The following CTNND1 variants were observed in gnomAD, a reference collection of about 807,000 sequenced individuals.
CTNND1 encodes catenin delta 1, also known as catenin delta-1.
CTNND1 carries 16 observed loss-of-function variants against 112.1 expected under a neutral mutation model. That is an observed-to-expected ratio of 0.14 (90% CI 0.10 to 0.22). The LOEUF is 0.22. Ranked by LOEUF, CTNND1 falls within the 10% of genes least tolerant of loss-of-function variation. The pLI is 1.00. For synonymous variants in CTNND1, 420 were observed against 446.5 expected, an observed-to-expected ratio of 0.94 and a Z score of 0.75; for missense variants, 1,008 against 1,257.0, an observed-to-expected ratio of 0.80 and a Z score of 3.00.
In CTNND1 at chr11:57,780,236, G is replaced by A. The variant is rs559740938; in HGVS notation, c.-213-8801G>A. Among the ~76,000 whole-genome samples the A allele has an allele frequency of 3.3e-5, 5 of 151,922 alleles. No individual in the cohort carries two copies. The East Asian group carries it at 9.7e-4, about 29-fold the overall frequency. The stretch of plus-strand genomic sequence containing the variant: ...CCCCAGCTAATTTTTTGTATTTTTT[G>A]TAGAGATGGTGTCTTGCCATTTTGC... On this transcript the variant is annotated intron_variant, in intron 1 of 20. Coordinates refer to ENST00000399050, the MANE Select transcript of CTNND1 (RefSeq NM_001085458.2).
chr11:57,815,938 G>A lies in CTNND1; in HGVS notation c.2832G>A (p.Leu944=). 4 of 1,607,120 alleles carry A rather than the reference G, an allele frequency of 2.5e-6. No individual in the cohort carries two copies. The highest frequency in any genetic ancestry group is 3.4e-6 in the Non-Finnish European group (4 of 1,178,352). The change falls in exon 20 of 21, where the codon CTG becomes CTA. Residue 944 remains leucine, a synonymous_variant. Coordinates refer to ENST00000399050, the MANE Select transcript of CTNND1 (RefSeq NM_001085458.2). The part of the protein sequence containing the change: ...PLMQDEGQES[L]EEELDVLVLD... ...AGCAGGACGAGGGGCAGGAATCTCT[G>A]GAGGAAGAGTTGGATGTGTTGGTTT...
intron 1 of CTNND1, among the ~76,000 whole-genome samples, chr11:57,784,594 C>G (rs2059942375): frequency 6.6e-6 from 1 of 152,074 alleles, no homozygotes; most frequent in South Asian, 2.1e-4. Flanking sequence ...ACTTTTGTCT[C>G]TTGAGTTCAA....
chr11:57,806,972 G>A lies in CTNND1; in HGVS notation c.1952G>A (p.Ser651Asn), dbSNP rs764759932. The change falls in exon 12 of 21, where the codon AGT (serine) becomes AAT (asparagine). Residue 651 changes from serine to asparagine, a missense_variant. Ser to Asn is a conservative substitution (Grantham distance 46). This residue lies in a region of CTNND1 where 254 missense variants were observed against 279.5 expected (regional missense o/e 0.91). Coordinates refer to ENST00000399050, the MANE Select transcript of CTNND1 (RefSeq NM_001085458.2). ...ACAGTGGATTTCCCTAAAAGAACGA[G>A]TCCAGCTCGAGGTAAGTTATCTTCT... ...NDTVDFPKRT[S>N]PARGYELLFQ... The A allele has an allele frequency of 1.2e-5, 19 of 1,598,322 alleles. 1 individual carries two copies. In the South Asian group the frequency reaches 2.0e-4, roughly 17 times the overall value.
At chr11:57,813,154 G>C (rs2063568861) in intron 17 of CTNND1, among the ~76,000 whole-genome samples, 1 of 151,892 alleles carries the variant, frequency 6.6e-6, no homozygotes, top group Admixed American at 6.6e-5. Context: ...AACATAATGA[G>C]ACCATGTCTG....
chr11:57,819,456 T>C lies in CTNND1; in HGVS notation c.*3148T>C, dbSNP rs1385576090. 1 of 152,240 alleles carries C rather than the reference T, an allele frequency of 6.6e-6. No individual in the cohort carries two copies. The highest frequency in any genetic ancestry group is 2.4e-5 in the African/African-American group (1 of 41,454). 9.4% of individuals were successfully genotyped at this position (152,240 alleles called of 1,614,324 possible). ...CCTGTTATGTTCTTATCCTTTGGCA[T>C]TGAGCTAGATACAAACCCTACTCTT... On this transcript the variant is annotated 3_prime_UTR_variant, in exon 21 of 21. Transcript: ENST00000399050.
intron 1 of CTNND1, among the ~76,000 whole-genome samples, chr11:57,772,414 C>T (rs1193895214): frequency 6.6e-6 from 1 of 152,198 alleles, no homozygotes; most frequent in Non-Finnish European, 1.5e-5. Flanking sequence ...TGCTGCTTCT[C>T]CTTTTGCTCA....
At chr11:57,790,109 TCTCA>T (rs1388814756) in intron 2 of CTNND1, among the ~76,000 whole-genome samples, 1 of 152,072 alleles carries the variant, frequency 6.6e-6, no homozygotes, top group African/African-American at 2.4e-5. Flanking sequence ...GGAGGCAGAG[TCTCA>T]CTCTGTTGTC....
chr11:57,803,688 C>T lies in CTNND1; in HGVS notation c.1488C>T (p.Ala496=). Residue 496 remains alanine (A), a synonymous_variant, in exon 8 of 21, where the codon GCC becomes GCT. Coordinates refer to ENST00000399050, the MANE Select transcript of CTNND1 (RefSeq NM_001085458.2). Reference sequence around the variant, plus strand: ...AGATTGTGGACCATGCACTGCATGCCTTGACAGATGAAGTGATCATTCCTC... The same window carrying T: ...AGATTGTGGACCATGCACTGCATGCTTTGACAGATGAAGTGATCATTCCTC... The part of the protein sequence containing the change: ...KMEIVDHALH[A]LTDEVIIPHS... 2 of 1,613,598 alleles carry T rather than the reference C, an allele frequency of 1.2e-6. No individual in the cohort carries two copies. Among genetic ancestry groups the T allele is most frequent in the South Asian group, 1.1e-5 (1 of 91,026 alleles).
At chr11:57,790,552 GTTTTTT>G (rs150149378) in intron 2 of CTNND1, among the ~76,000 whole-genome samples, 4 of 60,664 alleles carry the variant, frequency 6.6e-5, no homozygotes, top group African/African-American at 2.9e-4. Flanking sequence ...CTGTGTGTGT[GTTTTTT>G]TTTTTTTTTT....
At chr11:57,789,726 T>C (rs2060490919) in intron 2 of CTNND1, among the ~76,000 whole-genome samples, 1 of 152,170 alleles carries the variant, frequency 6.6e-6, no homozygotes, top group Non-Finnish European at 1.5e-5. Flanking sequence ...AAATTTGTGT[T>C]GGGCCGCATT....
chr11:57,813,125 G>A (rs2063565366), intron 17 of CTNND1, among the ~76,000 whole-genome samples: 1 of 152,104 alleles, frequency 6.6e-6, no homozygotes, highest in Non-Finnish European at 1.5e-5. Flanking sequence ...GAGCCCAGGA[G>A]TTTGAGACCA....
In CTNND1 at chr11:57,791,370, A is replaced by T. The variant is rs1317960199; in HGVS notation, c.-94-15A>T. On this transcript the variant is annotated splice_polypyrimidine_tract_variant and intron_variant, in intron 2 of 20. Transcript: ENST00000399050. The stretch of plus-strand genomic sequence containing the variant: ...TGTGACCTTTTCTCTCCTTTCTCTT[A>T]CCCTTTCCCGGTAGTGTGAAGTGAG... The T allele has an allele frequency of 7.4e-7, 1 of 1,357,218 alleles. No individual in the cohort carries two copies. The highest frequency in any genetic ancestry group is 3.0e-5 in the East Asian group (1 of 33,204). 84.1% of individuals were successfully genotyped at this position (1,357,218 alleles called of 1,614,324 possible). A position where few individuals can be genotyped will look rare whatever the true frequency, so the allele number is the denominator to read the frequency against.
intron 17 of CTNND1, among the ~76,000 whole-genome samples, chr11:57,812,166 T>C (rs1591680125): frequency 6.6e-6 from 1 of 152,230 alleles, no homozygotes; most frequent in Non-Finnish European, 1.5e-5. Context: ...TGAGTCATTG[T>C]AGTCTTCATT....
chr11:57,815,287 C>A, intron 18 of CTNND1, 107 bp from the exon 19 acceptor site: 1 of 643,150 alleles, frequency 1.6e-6, no homozygotes, highest in Non-Finnish European at 2.6e-6. Flanking sequence ...GAGCATTTGA[C>A]AAGCTCAGTT....
At chr11:57,785,504 A>G (rs2060027967) in intron 1 of CTNND1, among the ~76,000 whole-genome samples, 1 of 152,184 alleles carries the variant, frequency 6.6e-6, no homozygotes, top group Non-Finnish European at 1.5e-5. Context: ...AGTTTACAGT[A>G]GAAGAAATCA....
chr11:57,808,051 G>C (rs2062925360), intron 12 of CTNND1, 114 bp from the exon 13 acceptor site: 1 of 1,133,698 alleles, frequency 8.8e-7, no homozygotes, highest in Non-Finnish European at 1.2e-6. Flanking sequence ...GGAACCTGAT[G>C]GTATAGAAGC....
At chr11:57,804,879 A>T (rs2137234353) in intron 9 of CTNND1, 99 bp downstream of exon 9, 1 of 845,854 alleles carries the variant, frequency 1.2e-6, no homozygotes, top group Non-Finnish European at 1.9e-6. Flanking sequence ...CTTTCAAGTA[A>T]CATTAAATAT....
At chr11:57,771,657 A>G (rs892523041) in intron 1 of CTNND1, among the ~76,000 whole-genome samples, 2 of 152,192 alleles carry the variant, frequency 1.3e-5, no homozygotes, top group African/African-American at 4.8e-5. Context: ...GTCTTGTTGT[A>G]TACTATATTG....
Position 57,789,055 on chromosome 11 carries a change from C to A in CTNND1, c.-195C>A. ...TCTGCAGCTCTCTCCTTCCTGCTTCCTCCTTGCTGTGGTGGCTGGGATGCT... is the reference window on the plus strand; with the variant it reads ...TCTGCAGCTCTCTCCTTCCTGCTTCATCCTTGCTGTGGTGGCTGGGATGCT... On this transcript the variant is annotated 5_prime_UTR_variant, in exon 2 of 21. Transcript: ENST00000399050. The A allele has an allele frequency of 6.5e-7, 1 of 1,535,700 alleles. No homozygotes were observed. Among genetic ancestry groups the A allele is most frequent in the East Asian group, 2.4e-5 (1 of 40,916 alleles).
Sources: allele counts gnomAD v4.1 joint callset (sites outside exome capture counted in the v4.1 genomes callset), GRCh38; gene constraint gnomAD v4.1.1; regional missense constraint gnomAD v4.1.1; transcripts MANE v1.5; gene names NCBI Gene and HGNC (gene_info 2026-07-23, HGNC 2026-07-21).